ACSS1: variants seen among roughly 807,000 people sequenced by gnomAD.
The protein encoded by ACSS1 is acyl-CoA synthetase short chain family member 1.
A neutral mutation model predicts 75.3 loss-of-function variants in ACSS1; 42 were observed. That is an observed-to-expected ratio of 0.56 (90% CI 0.44 to 0.72). The LOEUF (loss-of-function observed/expected upper bound fraction) is 0.72, where lower values mean the gene tolerates loss of function less well. ACSS1 is among the 30% of genes least tolerant of loss of function. ACSS1 has a pLI of 0.00. For synonymous variants in ACSS1, 380 were observed against 376.8 expected, an observed-to-expected ratio of 1.01 and a Z score of -0.10; for missense variants, 782 against 935.7, an observed-to-expected ratio of 0.84 and a Z score of 2.14.
At chr20:25,041,833 C>G (rs73346983) in intron 2 of ACSS1, among the ~76,000 whole-genome samples, 8 of 152,356 alleles carry the variant, frequency 5.3e-5, no homozygotes, top group Admixed American at 2.0e-4. Flanking sequence ...CTGTTAGTTA[C>G]AGCAGATTTT....
chr20:25,032,108 C>G (rs545758612), intron 2 of ACSS1, among the ~76,000 whole-genome samples: 2 of 152,290 alleles, frequency 1.3e-5, no homozygotes, highest in South Asian at 4.2e-4. Context: ...GAAGGGAAAG[C>G]ACTGGGCACA....
intron 8 of ACSS1, among the ~76,000 whole-genome samples, chr20:25,014,466 TCCAGCCTGTA>T (rs2122600891): frequency 6.6e-6 from 1 of 152,308 alleles, no homozygotes; most frequent in Non-Finnish European, 1.5e-5. Flanking sequence ...TCACATTATT[TCCAGCCTGTA>T]CCAGGGAAAT....
rs2088367251 is a variant in ACSS1 at position 25,009,374 on chromosome 20, T to C, written c.1786A>G (p.Ile596Val). Reference sequence around the variant, plus strand: ...TCACCCGCACTATCTTTCACCACAATGAAGGCAAAGGCAGCTGAAAATAAA... The same window carrying C: ...TCACCCGCACTATCTTTCACCACAACGAAGGCAAAGGCAGCTGAAAATAAA... ...DIKGEAAFAF[I>V]VVKDSAGDSD... Residue 596 changes from isoleucine (I) to valine (V), a missense_variant, in exon 13 of 14, where the codon ATT becomes GTT. Around this residue, in one of 2 missense-constraint regions of ACSS1, gnomAD observed 405 missense variants for 552.6 expected, o/e 0.73. Transcript: ENST00000323482. The C allele has an allele frequency of 3.1e-6, 5 of 1,613,986 alleles. No homozygotes were observed. Among genetic ancestry groups the C allele is most frequent in the East Asian group, 2.2e-5 (1 of 44,892 alleles).
At position 25,006,810 on chromosome 20, in the gene ACSS1, C is replaced by A; in HGVS notation, c.*952G>T. 1 of 1,534,554 alleles carries A rather than the reference C, an allele frequency of 6.5e-7. No homozygotes were observed. The highest frequency in any genetic ancestry group is 8.7e-7 in the Non-Finnish European group (1 of 1,145,964). On this transcript the variant is annotated 3_prime_UTR_variant, in exon 14 of 14. Coordinates refer to ENST00000323482, the MANE Select transcript of ACSS1 (RefSeq NM_032501.4). ...ACCTCAGTGGTTCTCACCGCCCCAA[C>A]CACAGAGTGAAGGTCAGGCAGCGTT...
intron 6 of ACSS1, 89 bp downstream of exon 6, chr20:25,021,300 C>A: frequency 6.7e-7 from 1 of 1,500,266 alleles, no homozygotes; most frequent in Non-Finnish European, 8.9e-7. Flanking sequence ...CAGGCGTCCC[C>A]CTTCCATGAA....
At chr20:25,045,355 G>A (rs2089069516) in intron 2 of ACSS1, among the ~76,000 whole-genome samples, 1 of 152,162 alleles carries the variant, frequency 6.6e-6, no homozygotes, top group South Asian at 2.1e-4. Flanking sequence ...CCACTTGCAG[G>A]GTAAAGGCCA....
chr20:25,043,495 G>A (rs529981594), intron 2 of ACSS1, among the ~76,000 whole-genome samples: 26 of 152,312 alleles, frequency 1.7e-4, no homozygotes, highest in Non-Finnish European at 3.2e-4. Context: ...TCACAGATTC[G>A]CAGTAAAGCC....
At chr20:25,025,836 T>C (rs1308701605) in intron 3 of ACSS1, among the ~76,000 whole-genome samples, 1 of 152,166 alleles carries the variant, frequency 6.6e-6, no homozygotes, top group Non-Finnish European at 1.5e-5. Context: ...CTTCACTTCC[T>C]CTGCCTCTAG....
Position 25,036,996 on chromosome 20 carries a change from AGAAG to A in ACSS1, c.432-6042_432-6039del, listed in dbSNP as rs1258077303. Among the ~76,000 whole-genome samples the A allele has an allele frequency of 3.8e-5, 3 of 79,240 alleles. No homozygotes were observed. The Admixed American group carries it at 4.6e-4, about 12-fold the overall frequency. The allele number at this position is 79,240 out of a possible 152,430, so 52.0% of individuals were successfully genotyped here. A position where few individuals can be genotyped will look rare whatever the true frequency, so the allele number is the denominator to read the frequency against. ...AGAAGAAAGAAAGAAAAAGAAAGAA[AGAAG>A]AAAGAAAGGAAGGAAGGAAGGAAGG... On this transcript the variant is annotated intron_variant, in intron 2 of 13. Transcript: ENST00000323482.
chr20:25,027,582 C>A (rs2088743352), intron 3 of ACSS1, among the ~76,000 whole-genome samples: 1 of 152,044 alleles, frequency 6.6e-6, no homozygotes. Context: ...ATCCAACACC[C>A]TTTGATGATC....
chr20:25,044,988 C>A (rs192542907), intron 2 of ACSS1, among the ~76,000 whole-genome samples: 74 of 152,358 alleles, frequency 4.9e-4, no homozygotes, highest in African/African-American at 1.8e-3. Flanking sequence ...GGAGGGGGTC[C>A]TCCTCTCCAA....
intron 12 of ACSS1, chr20:25,010,669 A>T (rs1193469817): frequency 7.2e-5 from 11 of 152,428 alleles, no homozygotes; most frequent in African/African-American, 2.2e-4. Context: ...TCTTTGAGGG[A>T]AAGAACACCG....
chr20:25,052,728 G>T (rs2089191505), intron 1 of ACSS1, among the ~76,000 whole-genome samples: 1 of 152,226 alleles, frequency 6.6e-6, no homozygotes, highest in Non-Finnish European at 1.5e-5. Flanking sequence ...TCATGTTGGT[G>T]CCATGAGGAT....
At chr20:25,017,317 T>C (rs1433688223) in intron 7 of ACSS1, among the ~76,000 whole-genome samples, 1 of 152,162 alleles carries the variant, frequency 6.6e-6, no homozygotes, top group African/African-American at 2.4e-5. Flanking sequence ...CTCAACGGAT[T>C]AAATGTCATG....
intron 7 of ACSS1, among the ~76,000 whole-genome samples, chr20:25,017,275 G>C (rs1263469842): frequency 6.6e-6 from 1 of 152,206 alleles, no homozygotes; most frequent in Non-Finnish European, 1.5e-5. Context: ...CAAATCTAGG[G>C]GGAATGTCTT....
chr20:25,050,300 C>G (rs769971132), intron 1 of ACSS1, among the ~76,000 whole-genome samples: 1 of 152,106 alleles, frequency 6.6e-6, no homozygotes, highest in Non-Finnish European at 1.5e-5. Flanking sequence ...TCCTACACCC[C>G]GCTGCCTGCC....
intron 7 of ACSS1, among the ~76,000 whole-genome samples, chr20:25,016,140 T>G (rs6050252): frequency 0.11 from 17,349 of 152,174 alleles, 1,161 homozygotes; most frequent in African/African-American, 0.17. Context: ...ACAGCGGCAC[T>G]GGTGAGTCTG....
intron 2 of ACSS1, chr20:25,032,676 C>CG (rs2088847366): frequency 3.3e-6 from 4 of 1,204,426 alleles, no homozygotes; most frequent in Non-Finnish European, 4.1e-6. Flanking sequence ...CATAGCTCTC[C>CG]TCTGTTCAAA....
At chr20:25,050,119 C>T (rs992018376) in intron 1 of ACSS1, among the ~76,000 whole-genome samples, 1 of 152,274 alleles carries the variant, frequency 6.6e-6, no homozygotes, top group Middle Eastern at 3.4e-3. Flanking sequence ...TATTAGCCAA[C>T]GTGGTCCCTA....
Sources: gnomAD v4.1 joint callset for allele counts (sites outside exome capture counted in the v4.1 genomes callset) on GRCh38, gnomAD v4.1.1 for gene constraint, gnomAD v4.1.1 regional missense constraint, MANE v1.5 for transcripts, NCBI Gene and HGNC (gene_info 2026-07-23, HGNC 2026-07-21) for gene names.